VPS51: variants seen among roughly 807,000 people sequenced by gnomAD.
VPS51 encodes the protein VPS51 subunit of GARP complex.
Under a neutral mutation model 65.1 loss-of-function variants are expected in VPS51, and 55 were observed. The observed-to-expected ratio is 0.84, with a 90% confidence interval of 0.68 to 1.06. VPS51 has a LOEUF of 1.06. Ranked by LOEUF, VPS51 falls within the 50% of genes least tolerant of loss-of-function variation. The pLI, the probability that VPS51 is intolerant of heterozygous loss-of-function variation, is 0.00. For missense variants in VPS51, 943 were observed against 1,101.6 expected (o/e 0.86, Z 2.04); for synonymous variants, 473 against 489.5 (o/e 0.97, Z 0.44).
At position 65,107,144 on chromosome 11, in the gene VPS51, G is replaced by A. The variant is rs1173523318; in HGVS notation, c.359-437G>A. On this transcript the variant is annotated intron_variant, in intron 2 of 9. Transcript: ENST00000279281. This position sits in a 1 kb window ranked among gnomAD's most constrained non-coding sequence, Gnocchi z 4.0. ...GCATGTGAAAGGCTTTGGGAGGTCT[G>A]GAAAGGAGATGAGGGTCAACAAGAA... The A allele has an allele frequency of 2.2e-6, 1 of 460,066 alleles. No individual in the cohort carries two copies. The highest frequency in any genetic ancestry group is 4.4e-6 in the Non-Finnish European group (1 of 229,854). 28.5% of individuals were successfully genotyped at this position (460,066 alleles called of 1,614,324 possible). A position where few individuals can be genotyped will look rare whatever the true frequency, so the allele number is the denominator to read the frequency against.
rs1432840034 is a variant in VPS51, at chr11:65,111,638, G to A, written c.*51G>A. 7 of 1,548,676 alleles carry A rather than the reference G, an allele frequency of 4.5e-6. No homozygotes were observed. The highest frequency in any genetic ancestry group is 6.1e-6 in the Non-Finnish European group (7 of 1,150,100). The stretch of plus-strand genomic sequence containing the variant: ...TGTCCCTGCACCCCATGGCACCCAG[G>A]ATCTGGTCTCGGTGGTCCTTCCCCG... On this transcript the variant is annotated 3_prime_UTR_variant, in exon 10 of 10. Coordinates refer to ENST00000279281, the MANE Select transcript of VPS51 (RefSeq NM_013265.4).
At chr11:65,096,518 G>GGCC in intron 1 of VPS51, 40 bp downstream of exon 1, 3 of 499,402 alleles carry the variant, frequency 6.0e-6, no homozygotes, top group East Asian at 5.2e-5. Flanking sequence ...GGGGAGGGGG[G>GGCC]AAGGGAACCA....
In VPS51 at chr11:65,106,554, A is replaced by G. The variant is rs370022925; in HGVS notation, c.359-1027A>G. 6.4e-4 allele frequency among the ~76,000 whole-genome samples: 98 copies of G among 152,318 alleles called. 3 individuals carry two copies. In the South Asian group the frequency reaches 0.019, roughly 29 times the overall value. On this transcript the variant is annotated intron_variant, in intron 2 of 9. Transcript: ENST00000279281. Reference sequence around the variant, plus strand: ...ATCATGAGGTCAGGAGATCAAGACCATCCTGGCTAACATGGTGAAACTCCA... The same window carrying G: ...ATCATGAGGTCAGGAGATCAAGACCGTCCTGGCTAACATGGTGAAACTCCA...
chr11:65,110,465 C>T lies in VPS51; in HGVS notation c.1879-17C>T, dbSNP rs935620209. On this transcript the variant is annotated splice_polypyrimidine_tract_variant and intron_variant, in intron 7 of 9. Transcript: ENST00000279281. The stretch of plus-strand genomic sequence containing the variant: ...CCCTGACTCGGGCCTCCTTGCAGTA[C>T]CTCTTTTTACCACCAGGTGGGGCTC... 1.9e-6 allele frequency: 3 copies of T among 1,613,708 alleles called. No homozygotes were observed. The highest frequency in any genetic ancestry group is 2.5e-6 in the Non-Finnish European group (3 of 1,180,016).
chr11:65,109,270 T>C lies in VPS51; in HGVS notation c.1444-10T>C, dbSNP rs756317987. On this transcript the variant is annotated splice_polypyrimidine_tract_variant and intron_variant, in intron 5 of 9. Coordinates refer to ENST00000279281, the MANE Select transcript of VPS51 (RefSeq NM_013265.4). ...GGACCTGCTGTGGACCTGGGCACCT[T>C]CTCTTGCAGGGTGAGTTCTGCAGTC... is the stretch of plus-strand genomic sequence containing the variant. The C allele has an allele frequency of 3.7e-6, 6 of 1,605,856 alleles. No individual in the cohort carries two copies. The highest frequency in any genetic ancestry group is 5.1e-6 in the Non-Finnish European group (6 of 1,175,020).
At chr11:65,109,212 C>A in intron 5 of VPS51, 68 bp from the exon 6 acceptor site, 2 of 1,526,034 alleles carry the variant, frequency 1.3e-6, no homozygotes, top group Non-Finnish European at 8.9e-7. Context: ...AGAGCCCCAG[C>A]AGAGGGTCAT....
At position 65,097,139 on chromosome 11, in the gene VPS51, G is replaced by A. The variant is rs543884686; in HGVS notation, c.358+12G>A. On this transcript the variant is annotated intron_variant, in intron 2 of 9. Coordinates refer to ENST00000279281, the MANE Select transcript of VPS51 (RefSeq NM_013265.4). ...CATCTCAGCCACAGGTGATCCCCACGGGGACACACCCTCCAAAGTCTCACA... is the reference window on the plus strand; with the variant it reads ...CATCTCAGCCACAGGTGATCCCCACAGGGACACACCCTCCAAAGTCTCACA... 1.9e-6 allele frequency: 3 copies of A among 1,613,590 alleles called. No individual in the cohort carries two copies. Among genetic ancestry groups the A allele is most frequent in the African/African-American group, 2.7e-5 (2 of 75,014 alleles).
chr11:65,108,170 G>A (rs1947856986), intron 4 of VPS51, 27 bp from the exon 5 acceptor site: 2 of 1,591,794 alleles, frequency 1.3e-6, no homozygotes, highest in Non-Finnish European at 8.5e-7. Flanking sequence ...CCCCGGCCCT[G>A]CCCTTCACTA....
intron 2 of VPS51, among the ~76,000 whole-genome samples, chr11:65,102,098 A>G (rs1176866264): frequency 6.7e-6 from 1 of 149,592 alleles, no homozygotes; most frequent in East Asian, 2.0e-4. Context: ...GCTCACTGCA[A>G]CCTCCGCCTC....
intron 2 of VPS51, among the ~76,000 whole-genome samples, chr11:65,106,494 G>A (rs1215610316): frequency 6.6e-6 from 1 of 152,218 alleles, no homozygotes; most frequent in Non-Finnish European, 1.5e-5. Flanking sequence ...GCTCATGCCT[G>A]TAATCCCAGC....
At chr11:65,104,188 C>T (rs1397754404) in intron 2 of VPS51, among the ~76,000 whole-genome samples, 1 of 152,184 alleles carries the variant, frequency 6.6e-6, no homozygotes, top group African/African-American at 2.4e-5. Flanking sequence ...CTCGGCCTCC[C>T]AAAGTGCTGG....
chr11:65,104,707 T>A (rs1000562482), intron 2 of VPS51, among the ~76,000 whole-genome samples: 1 of 152,202 alleles, frequency 6.6e-6, no homozygotes, highest in Non-Finnish European at 1.5e-5. Flanking sequence ...AATGTGTATA[T>A]GTGAGGTATT....
chr11:65,111,711 C>T lies in VPS51; in HGVS notation c.*124C>T, dbSNP rs1335839227. ...TAATAAACATGTGTGGCCTCCTCCTCTCGCTTGCTGGGCGGGCCTTTCCGG... is the reference window on the plus strand; with the variant it reads ...TAATAAACATGTGTGGCCTCCTCCTTTCGCTTGCTGGGCGGGCCTTTCCGG... On this transcript the variant is annotated 3_prime_UTR_variant, in exon 10 of 10. Transcript: ENST00000279281. 2.9e-6 allele frequency: 4 copies of T among 1,394,808 alleles called. No individual in the cohort carries two copies. The highest frequency in any genetic ancestry group is 3.8e-6 in the Non-Finnish European group (4 of 1,060,596). 86.4% of individuals were successfully genotyped at this position (1,394,808 alleles called of 1,614,324 possible).
Position 65,108,911 on chromosome 11 carries a change from C to G in VPS51, c.1440C>G (p.Phe480Leu). The G allele has an allele frequency of 6.2e-7, 1 of 1,612,918 alleles. No homozygotes were observed. Among genetic ancestry groups the G allele is most frequent in the South Asian group, 1.1e-5 (1 of 91,080 alleles). Residue 480 changes from phenylalanine (F) to leucine (L), a missense_variant, in exon 5 of 10, where the codon TTC (phenylalanine) becomes TTG (leucine). Around this residue, in one of 2 missense-constraint regions of VPS51, gnomAD observed 855 missense variants for 953.7 expected, o/e 0.90. Transcript: ENST00000279281. ...TGTCCTTCTCCAACAAGCCCTACTT[C>G]CGGGTACGCCTCCTCTTGGGTGTTC... is the stretch of plus-strand genomic sequence containing the variant. ...KEVSFSNKPYFRGEFCSQGVR... is the reference protein window; with the variant it reads ...KEVSFSNKPYLRGEFCSQGVR...
chr11:65,101,665 G>C (rs1265085286), intron 2 of VPS51, among the ~76,000 whole-genome samples: 1 of 147,836 alleles, frequency 6.8e-6, no homozygotes, highest in Non-Finnish European at 1.5e-5. Context: ...TGCTCAGGAA[G>C]CTGAGGTGGA....
intron 2 of VPS51, among the ~76,000 whole-genome samples, chr11:65,103,214 C>T (rs1173792070): frequency 6.6e-6 from 1 of 152,152 alleles, no homozygotes; most frequent in Non-Finnish European, 1.5e-5. Flanking sequence ...TGTGCATCAC[C>T]ATGCCTGTAG....
At chr11:65,098,478 C>G (rs1179463849) in intron 2 of VPS51, among the ~76,000 whole-genome samples, 1 of 152,144 alleles carries the variant, frequency 6.6e-6, no homozygotes, top group Non-Finnish European at 1.5e-5. Context: ...AGGAGATGTA[C>G]TACTCAGACT....
In VPS51 at chr11:65,109,463, C is replaced by T. The variant is rs1300966800; in HGVS notation, c.1627C>T (p.Leu543Phe). The T allele has an allele frequency of 1.2e-6, 2 of 1,607,570 alleles. No individual in the cohort carries two copies. The highest frequency in any genetic ancestry group is 1.7e-6 in the Non-Finnish European group (2 of 1,179,988). Residue 543 changes from leucine to phenylalanine, a missense_variant, in exon 6 of 10, where the codon CTC becomes TTC. By Grantham distance (22) the Leu-to-Phe change is conservative. This residue lies in a region of VPS51 where 855 missense variants were observed against 953.7 expected (regional missense o/e 0.90). Transcript: ENST00000279281. ...DYETATISYI[L>F]TLTDEQFLVQ... Reference sequence around the variant, plus strand: ...CGAGACGGCCACCATCTCCTACATCCTCACTCTCACTGATGAACAGTTTCT... The same window carrying T: ...CGAGACGGCCACCATCTCCTACATCTTCACTCTCACTGATGAACAGTTTCT...
In VPS51 at chr11:65,097,111, G is replaced by A; in HGVS notation, c.342G>A (p.Lys114=). ...MQTLVYENYN[K]FISATDTIRK... ...CCCTGGTCTATGAGAACTACAACAA[G>A]TTCATCTCAGCCACAGGTGATCCCC... Residue 114 remains lysine, a synonymous_variant, in exon 2 of 10, where the codon AAG becomes AAA. Coordinates refer to ENST00000279281, the MANE Select transcript of VPS51 (RefSeq NM_013265.4). 5.6e-6 allele frequency: 9 copies of A among 1,613,902 alleles called. No homozygotes were observed. Among genetic ancestry groups the A allele is most frequent in the Non-Finnish European group, 7.6e-6 (9 of 1,179,974 alleles).
Sources: gnomAD v4.1 joint callset for allele counts (sites outside exome capture counted in the v4.1 genomes callset) on GRCh38, gnomAD v4.1.1 for gene constraint, gnomAD v4.1.1 regional missense constraint, Gnocchi (gnomAD v3.1) non-coding constraint, MANE v1.5 for transcripts, NCBI Gene and HGNC (gene_info 2026-07-23, HGNC 2026-07-21) for gene names.